The following ATP9B variants were observed in gnomAD, a reference collection of about 807,000 sequenced individuals.
The protein encoded by ATP9B is probable phospholipid-transporting ATPase IIB.
ATP9B carries 110 observed loss-of-function variants against 146.1 expected under a neutral mutation model. That is an observed-to-expected ratio of 0.75 (90% CI 0.65 to 0.88). The LOEUF (loss-of-function observed/expected upper bound fraction) is 0.88, where lower values mean the gene tolerates loss of function less well. ATP9B is among the 40% of genes least tolerant of loss of function. The pLI is 0.00. For synonymous variants in ATP9B, 604 were observed against 569.7 expected, an observed-to-expected ratio of 1.06 and a Z score of -0.86; for missense variants, 1,499 against 1,496.4, an observed-to-expected ratio of 1.00 and a Z score of -0.03.
chr18:79,155,494 C>T (rs1047587301), intron 7 of ATP9B, among the ~76,000 whole-genome samples: 8 of 152,134 alleles, frequency 5.3e-5, no homozygotes, highest in African/African-American at 1.4e-4. Context: ...ATCTCTGAAA[C>T]GAGAGAGGTA....
At chr18:79,079,501 G>GT (rs2073013266) in intron 1 of ATP9B, among the ~76,000 whole-genome samples, 1 of 152,162 alleles carries the variant, frequency 6.6e-6, no homozygotes, top group Middle Eastern at 3.4e-3. Context: ...GGATTCGTTT[G>GT]TTTTTTTCTT....
At chr18:79,334,923 T>G (rs2096814178) in intron 17 of ATP9B, among the ~76,000 whole-genome samples, 1 of 151,852 alleles carries the variant, frequency 6.6e-6, no homozygotes, top group Non-Finnish European at 1.5e-5. Flanking sequence ...CACTGCCTTG[T>G]TCCGGGTAGG....
intron 11 of ATP9B, among the ~76,000 whole-genome samples, chr18:79,232,376 G>A (rs2095800803): frequency 6.6e-6 from 1 of 152,222 alleles, no homozygotes; most frequent in African/African-American, 2.4e-5. Flanking sequence ...GAGCAGCAAG[G>A]TGTAGAATCT....
intron 11 of ATP9B, among the ~76,000 whole-genome samples, chr18:79,220,672 A>C (rs2095668756): frequency 6.6e-6 from 1 of 152,240 alleles, no homozygotes; most frequent in South Asian, 2.1e-4. Context: ...CAAATTGAGC[A>C]TCATTTCACA....
intron 4 of ATP9B, among the ~76,000 whole-genome samples, chr18:79,122,243 A>G (rs1255752406): frequency 2.6e-5 from 4 of 152,176 alleles, no homozygotes; most frequent in Non-Finnish European, 4.4e-5. Context: ...CTCTTATCTC[A>G]GTGAGTCACA....
intron 8 of ATP9B, among the ~76,000 whole-genome samples, chr18:79,185,609 T>C (rs2095300460): frequency 6.6e-6 from 1 of 152,228 alleles, no homozygotes; most frequent in South Asian, 2.1e-4. Flanking sequence ...TTAATCAATT[T>C]TATATTTTAG....
At chr18:79,089,552 G>A (rs1435259681) in intron 1 of ATP9B, among the ~76,000 whole-genome samples, 2 of 152,054 alleles carry the variant, frequency 1.3e-5, no homozygotes, top group Non-Finnish European at 2.9e-5. Flanking sequence ...TCACTACTTG[G>A]GGCCTAGCAT....
In ATP9B at chr18:79,165,319, T is replaced by C. The variant is rs1467053314; in HGVS notation, c.778+10764T>C. ...AGGCATTCTCACCTCTACCTAGCAC[T>C]GTTGGTGCTTTGGGCCCAATATGTC... On this transcript the variant is annotated intron_variant, in intron 7 of 29. Transcript: ENST00000426216. 2.0e-5 allele frequency among the ~76,000 whole-genome samples: 3 copies of C among 152,350 alleles called. No individual in the cohort carries two copies. In the East Asian group the frequency reaches 5.8e-4, roughly 29 times the overall value.
intron 15 of ATP9B, among the ~76,000 whole-genome samples, chr18:79,324,396 G>C (rs1055422842): frequency 2.0e-5 from 3 of 152,098 alleles, no homozygotes; most frequent in African/African-American, 7.2e-5. Context: ...AAAGTGCCCT[G>C]GAGTGTGCCA....
chr18:79,176,106 G>C (rs1313740889), intron 7 of ATP9B, among the ~76,000 whole-genome samples: 1 of 152,126 alleles, frequency 6.6e-6, no homozygotes, highest in Non-Finnish European at 1.5e-5. Context: ...ATTGCCGTAT[G>C]TGCTCTGTTT....
intron 7 of ATP9B, among the ~76,000 whole-genome samples, chr18:79,157,751 G>A (rs2147694803): frequency 1.3e-5 from 2 of 152,066 alleles, no homozygotes; most frequent in Middle Eastern, 6.8e-3. Context: ...CTTTATCTAG[G>A]TTATCTAATC....
intron 17 of ATP9B, among the ~76,000 whole-genome samples, chr18:79,335,835 G>T (rs1600135376): frequency 1.3e-5 from 2 of 152,232 alleles, no homozygotes; most frequent in East Asian, 3.8e-4. Context: ...TTCTATGAAG[G>T]AGGAAACAAG....
chr18:79,307,339 C>G (rs369795799), intron 15 of ATP9B, 105 bp downstream of exon 15: 1 of 1,502,854 alleles, frequency 6.7e-7, no homozygotes, highest in South Asian at 1.3e-5. Flanking sequence ...AGCAGTTTAT[C>G]GTAGCTTTAA....
At chr18:79,147,483 A>T (rs570360722) in intron 6 of ATP9B, among the ~76,000 whole-genome samples, 41 of 152,340 alleles carry the variant, frequency 2.7e-4, no homozygotes, top group Non-Finnish European at 5.0e-4. Context: ...AATCACACAG[A>T]GTGTGTTCTC....
At chr18:79,070,105 G>A (rs2071546583) in intron 1 of ATP9B, among the ~76,000 whole-genome samples, 1 of 152,116 alleles carries the variant, frequency 6.6e-6, no homozygotes, top group African/African-American at 2.4e-5. Context: ...TGTTTAGTGG[G>A]GTCACAGGTT....
At chr18:79,150,855 G>C (rs1297608579) in intron 6 of ATP9B, among the ~76,000 whole-genome samples, 3 of 152,150 alleles carry the variant, frequency 2.0e-5, no homozygotes, top group Non-Finnish European at 4.4e-5. Flanking sequence ...TACATCTGCT[G>C]TCCTAGCTAC....
rs577558620 is a variant in ATP9B, at chr18:79,269,671, CTAAT to C, written c.1269-7380_1269-7377del. Among the ~76,000 whole-genome samples the C allele has an allele frequency of 2.0e-4, 31 of 152,270 alleles. No homozygotes were observed. In the South Asian group the frequency reaches 6.2e-3, roughly 31 times the overall value. Reference sequence around the variant, plus strand: ...GTTTTTGGTAATTGTATTTGAAAAACTAATTATAGGAATCATTTGGGAACAAAGA... The same window carrying C: ...GTTTTTGGTAATTGTATTTGAAAAACTATAGGAATCATTTGGGAACAAAGA... On this transcript the variant is annotated intron_variant, in intron 12 of 29. Coordinates refer to ENST00000426216, the MANE Select transcript of ATP9B (RefSeq NM_198531.5).
At chr18:79,074,179 T>G (rs2072319438) in intron 1 of ATP9B, among the ~76,000 whole-genome samples, 1 of 152,220 alleles carries the variant, frequency 6.6e-6, no homozygotes, top group Non-Finnish European at 1.5e-5. Context: ...CTTCCTGGTC[T>G]CTGTTGGTGC....
chr18:79,376,076 C>CT, intron 29 of ATP9B: 1 of 984,972 alleles, frequency 1.0e-6, no homozygotes, highest in Non-Finnish European at 1.2e-6. Context: ...CTCAGAGCCT[C>CT]TAAGAGCAGA....
Sources: allele counts gnomAD v4.1 joint callset (sites outside exome capture counted in the v4.1 genomes callset), GRCh38; gene constraint gnomAD v4.1.1; transcripts MANE v1.5; gene names NCBI Gene and HGNC (gene_info 2026-07-23, HGNC 2026-07-21).